The following SCN11A variants were observed in gnomAD, a reference collection of about 807,000 sequenced individuals.
The protein encoded by SCN11A is sodium voltage-gated channel alpha subunit 11.
A neutral mutation model predicts 162.2 loss-of-function variants in SCN11A; 122 were observed. That is an observed-to-expected ratio of 0.75 (90% CI 0.65 to 0.87). The LOEUF is 0.87. Ranked by LOEUF, SCN11A falls within the 40% of genes least tolerant of loss-of-function variation. The pLI, the probability that SCN11A is intolerant of heterozygous loss-of-function variation, is 0.00. For missense variants in SCN11A, 2,015 were observed against 2,181.6 expected, an observed-to-expected ratio of 0.92 and a Z score of 1.52; for synonymous variants, 758 against 751.5, an observed-to-expected ratio of 1.01 and a Z score of -0.14.
chr3:38,914,975 C>T (rs1008898799), intron 11 of SCN11A, among the ~76,000 whole-genome samples: 12 of 151,914 alleles, frequency 7.9e-5, no homozygotes, highest in African/African-American at 2.4e-4. Context: ...GGTATCAGGA[C>T]GATGGTGGTC....
intron 11 of SCN11A, 127 bp from the exon 12 acceptor site, chr3:38,910,334 T>A (rs767974408): frequency 1.2e-6 from 1 of 847,952 alleles, no homozygotes; most frequent in Non-Finnish European, 1.8e-6. Flanking sequence ...AAGGGAGTAT[T>A]TGTAAAGTGG....
In SCN11A at chr3:38,850,788, C is replaced by A. The variant is rs202041269; in HGVS notation, c.4057-37G>T. On this transcript the variant is annotated intron_variant, in intron 28 of 29. Coordinates refer to ENST00000302328, the MANE Select transcript of SCN11A (RefSeq NM_001349253.2). ...AAGAAATTATAAATCATTTTGAATGCAAGAATAAAATTACATACAATAAAA... is the reference window on the plus strand; with the variant it reads ...AAGAAATTATAAATCATTTTGAATGAAAGAATAAAATTACATACAATAAAA... The A allele has an allele frequency of 1.8e-5, 27 of 1,506,854 alleles. No homozygotes were observed. In the Admixed American group the frequency reaches 3.0e-4, roughly 17 times the overall value. The allele number at this position is 1,506,854 out of a possible 1,614,324, so 93.3% of individuals were successfully genotyped here.
At chr3:38,849,127 A>G (rs953650902) in intron 29 of SCN11A, among the ~76,000 whole-genome samples, 2 of 152,202 alleles carry the variant, frequency 1.3e-5, no homozygotes, top group African/African-American at 4.8e-5. Context: ...ACATTTCCGC[A>G]AAGTGCATGA....
chr3:38,925,541 T>A, intron 8 of SCN11A, 32 bp from the exon 9 acceptor site: 1 of 1,489,330 alleles, frequency 6.7e-7, no homozygotes, highest in South Asian at 1.1e-5. Context: ...AGGCATGGGC[T>A]TGCTCAGTCC....
At chr3:38,854,658 C>T (rs534580901) in intron 28 of SCN11A, among the ~76,000 whole-genome samples, 132 of 152,182 alleles carry the variant, frequency 8.7e-4, no homozygotes, top group Non-Finnish European at 1.0e-3. Context: ...GGTGAAAAGC[C>T]GTGAGTTCCC....
Position 38,894,798 on chromosome 3 carries a change from C to T in SCN11A, c.2570G>A (p.Trp857Ter). 1.9e-6 allele frequency: 3 copies of T among 1,614,164 alleles called. No homozygotes were observed. Among genetic ancestry groups the T allele is most frequent in the Non-Finnish European group, 2.5e-6 (3 of 1,180,022 alleles). The change falls in exon 19 of 30, where the codon TGG becomes TAG. Residue 857 changes from tryptophan to a stop codon, truncating the protein, a stop_gained. Transcript: ENST00000302328. LOFTEE classifies it high-confidence loss of function. ...CTGTGGTAAGTTTTGCTTCCTGCACCACTTGTGACAGAAATGCTCAAGAGT... is the reference window on the plus strand; with the variant it reads ...CTGTGGTAAGTTTTGCTTCCTGCACTACTTGTGACAGAAATGCTCAAGAGT... ...RHTLEHFCHK[W>*]CRKQNLPQQK...
At chr3:38,857,596 T>C (rs1229389803) in intron 28 of SCN11A, among the ~76,000 whole-genome samples, 1 of 152,078 alleles carries the variant, frequency 6.6e-6, no homozygotes, top group Non-Finnish European at 1.5e-5. Flanking sequence ...TGAGGAAAAC[T>C]TTCCTGGCCT....
At chr3:38,933,802 A>G (rs1387118839) in intron 7 of SCN11A, among the ~76,000 whole-genome samples, 1 of 152,244 alleles carries the variant, frequency 6.6e-6, no homozygotes, top group Non-Finnish European at 1.5e-5. Flanking sequence ...AACACTCTGC[A>G]GGATATTATC....
chr3:38,884,499 CTTAT>C (rs1472944860), intron 21 of SCN11A, among the ~76,000 whole-genome samples: 2 of 152,312 alleles, frequency 1.3e-5, no homozygotes, highest in African/African-American at 2.4e-5. Context: ...ATTTGTTTCA[CTTAT>C]TTATTTATCA....
intron 2 of SCN11A, among the ~76,000 whole-genome samples, chr3:38,974,271 T>G (rs1030404983): frequency 2.6e-5 from 4 of 152,122 alleles, no homozygotes; most frequent in Admixed American, 2.6e-4. Context: ...TTAAACAGAT[T>G]ACACATATAT....
intron 2 of SCN11A, among the ~76,000 whole-genome samples, chr3:39,011,789 A>T (rs1030176906): frequency 2.4e-4 from 37 of 152,146 alleles, no homozygotes; most frequent in Non-Finnish European, 7.4e-5. Context: ...GCTCTGTCTC[A>T]TCCTAACCAA....
At chr3:38,863,336 G>T in intron 27 of SCN11A, 37 bp from the exon 28 acceptor site, 18 of 940,782 alleles carry the variant, frequency 1.9e-5, no homozygotes, top group East Asian at 5.5e-5. Flanking sequence ...ACCTTTAACA[G>T]TTTTTTTTTT....
intron 14 of SCN11A, 101 bp from the exon 15 acceptor site, chr3:38,905,422 C>T (rs1207709801): frequency 7.2e-7 from 1 of 1,382,404 alleles, no homozygotes. Context: ...TGAAAGTGCT[C>T]AACATTTTCT....
intron 2 of SCN11A, among the ~76,000 whole-genome samples, chr3:38,968,096 T>A (rs993392928): frequency 1.3e-5 from 2 of 152,200 alleles, no homozygotes; most frequent in Non-Finnish European, 2.9e-5. Flanking sequence ...AACCGAAGAA[T>A]GAAGACCTGT....
At chr3:38,934,996 A>G (rs1231903102) in intron 7 of SCN11A, among the ~76,000 whole-genome samples, 2 of 151,990 alleles carry the variant, frequency 1.3e-5, no homozygotes, top group Non-Finnish European at 2.9e-5. Flanking sequence ...CTCCTCAGCA[A>G]ATGTAAAAGA....
chr3:38,870,406 A>G (rs2065106395), intron 26 of SCN11A, among the ~76,000 whole-genome samples: 1 of 152,200 alleles, frequency 6.6e-6, no homozygotes, highest in Non-Finnish European at 1.5e-5. Flanking sequence ...GCATCCTGTG[A>G]TTCTGCCACT....
chr3:38,996,855 C>T (rs543521248), intron 2 of SCN11A, among the ~76,000 whole-genome samples: 2 of 152,284 alleles, frequency 1.3e-5, no homozygotes, highest in Admixed American at 1.3e-4. Flanking sequence ...GGGAGGATCA[C>T]TTGAACCCAG....
At chr3:38,917,701 A>G (rs2065981643) in intron 11 of SCN11A, among the ~76,000 whole-genome samples, 1 of 152,180 alleles carries the variant, frequency 6.6e-6, no homozygotes, top group South Asian at 2.1e-4. Context: ...AATCAGGAAA[A>G]ATAACTAATG....
intron 2 of SCN11A, among the ~76,000 whole-genome samples, chr3:39,012,600 C>T (rs1000177553): frequency 1.2e-4 from 18 of 151,924 alleles, no homozygotes; most frequent in African/African-American, 4.3e-4. Flanking sequence ...CCTGCCTCAG[C>T]CTCCCAAGCA....
Sources: gnomAD v4.1 joint callset for allele counts (sites outside exome capture counted in the v4.1 genomes callset) on GRCh38, gnomAD v4.1.1 for gene constraint, MANE v1.5 for transcripts, NCBI Gene and HGNC (gene_info 2026-07-23, HGNC 2026-07-21) for gene names.